TENM3: variants seen among roughly 807,000 people sequenced by gnomAD.
TENM3 encodes the protein teneurin-3.
TENM3 carries 63 observed loss-of-function variants against 255.1 expected under a neutral mutation model. The ratio of observed to expected loss-of-function variants is 0.25; its 90% CI spans 0.20 to 0.30. The LOEUF (loss-of-function observed/expected upper bound fraction) is 0.30, where lower values mean the gene tolerates loss of function less well. Ranked by LOEUF, TENM3 falls within the 10% of genes least tolerant of loss-of-function variation. The pLI is 1.00. For missense variants in TENM3, 2,929 were observed against 3,461.1 expected (o/e 0.85, Z 3.86); for synonymous variants, 1,306 against 1,322.3 (o/e 0.99, Z 0.27).
chr4:181,513,143 T>G, the TENM3 span, among the ~76,000 whole-genome samples: 2 of 152,188 alleles, frequency 1.3e-5, no homozygotes, highest in African/African-American at 4.8e-5. Context: ...TTTTGTGGTG[T>G]TATTTATACC....
At chr4:182,110,141 TCA>T in the TENM3 span, among the ~76,000 whole-genome samples, 24 of 150,164 alleles carry the variant, frequency 1.6e-4, no homozygotes, top group Middle Eastern at 3.5e-3. Flanking sequence ...TACATGAAAT[TCA>T]CAGTTCAGTG....
intron 1 of TENM3, among the ~76,000 whole-genome samples, chr4:182,173,702 T>C (rs1752256006): frequency 6.6e-6 from 1 of 152,154 alleles, no homozygotes. Context: ...GCCCGTGAAC[T>C]TGACACTGGG....
chr4:182,784,969 G>A (rs1229260656), intron 24 of TENM3, among the ~76,000 whole-genome samples: 3 of 152,098 alleles, frequency 2.0e-5, no homozygotes, highest in East Asian at 1.9e-4. Flanking sequence ...CTCCCTAGTG[G>A]GATGAACCCG....
At chr4:182,167,436 A>G (rs527661043) in intron 1 of TENM3, among the ~76,000 whole-genome samples, 1 of 152,340 alleles carries the variant, frequency 6.6e-6, no homozygotes, top group East Asian at 1.9e-4. Context: ...TTGCTTTAGT[A>G]TATTGATTAT....
chr4:182,298,593 A>T (rs1289219974), intron 1 of TENM3, among the ~76,000 whole-genome samples: 1 of 152,176 alleles, frequency 6.6e-6, no homozygotes, highest in Non-Finnish European at 1.5e-5. Context: ...AGAAAAGCAT[A>T]TATGGGAATC....
At chr4:182,636,372 C>G (rs1200138192) in intron 5 of TENM3, among the ~76,000 whole-genome samples, 2 of 152,122 alleles carry the variant, frequency 1.3e-5, no homozygotes, top group African/African-American at 2.4e-5. Context: ...TAAGCTCCTC[C>G]TCTCCCCACA....
the TENM3 span, among the ~76,000 whole-genome samples, chr4:181,478,678 G>T: frequency 6.6e-6 from 1 of 152,096 alleles, no homozygotes; most frequent in Admixed American, 6.6e-5. Flanking sequence ...CTTTCTTTAA[G>T]TATATCAAGA....
the TENM3 span, among the ~76,000 whole-genome samples, chr4:181,529,523 C>G: frequency 1.2e-4 from 18 of 152,280 alleles, no homozygotes; most frequent in South Asian, 3.5e-3. Flanking sequence ...TGAGAACTTA[C>G]AACTGACAGC....
chr4:181,928,808 C>G, the TENM3 span, among the ~76,000 whole-genome samples: 8 of 152,282 alleles, frequency 5.3e-5, no homozygotes, highest in African/African-American at 1.9e-4. Flanking sequence ...CAAAGGAAAG[C>G]CCATCAGACT....
chr4:181,631,402 G>T, the TENM3 span, among the ~76,000 whole-genome samples: 1 of 151,990 alleles, frequency 6.6e-6, no homozygotes, highest in Non-Finnish European at 1.5e-5. Context: ...CGATTCTCCT[G>T]CCTCAGCCTA....
intron 3 of TENM3, among the ~76,000 whole-genome samples, chr4:182,528,597 G>A (rs1055542106): frequency 6.6e-6 from 1 of 152,074 alleles, no homozygotes; most frequent in African/African-American, 2.4e-5. Context: ...ATGCAAAAAT[G>A]CTTCTTTTAT....
chr4:181,705,243 G>T, the TENM3 span, among the ~76,000 whole-genome samples: 1 of 152,224 alleles, frequency 6.6e-6, no homozygotes, highest in Non-Finnish European at 1.5e-5. Flanking sequence ...TCCTGAAACC[G>T]CGGAGGAGGT....
In TENM3 at chr4:182,681,965, T is replaced by A; in HGVS notation, c.1986T>A (p.Ser662Arg). Residue 662 changes from serine to arginine, a missense_variant, in exon 11 of 28, where the codon AGT becomes AGA. Physicochemically the swap from Ser to Arg is moderately radical, Grantham distance 110. Coordinates refer to ENST00000511685, the MANE Select transcript of TENM3 (RefSeq NM_001080477.4). ...CSGHGTYLQE[S>R]GSCTCDPNWT... ...GCCACGGAACGTATCTTCAAGAAAG[T>A]GGCTCCTGCACGTGTGACCCTAACT... is the stretch of plus-strand genomic sequence containing the variant. 6.2e-7 allele frequency: 1 copy of A among 1,613,980 alleles called. No individual in the cohort carries two copies. Among genetic ancestry groups the A allele is most frequent in the Non-Finnish European group, 8.5e-7 (1 of 1,179,878 alleles).
At chr4:181,591,952 A>C in the TENM3 span, among the ~76,000 whole-genome samples, 1 of 115,130 alleles carries the variant, frequency 8.7e-6, no homozygotes, top group Admixed American at 8.9e-5. Context: ...TGAGTGAAAA[A>C]AGCCAGAAAA....
In TENM3 at chr4:182,495,026, G is replaced by A. The variant is rs1259990643; in HGVS notation, c.512-105898G>A. ...TTGTATGCTCAGCACTTTTTCATAGGCATCTTGCCTGGCTCATTGAAGGAA... is the reference window on the plus strand; with the variant it reads ...TTGTATGCTCAGCACTTTTTCATAGACATCTTGCCTGGCTCATTGAAGGAA... On this transcript the variant is annotated intron_variant, in intron 3 of 27. Transcript: ENST00000511685. 4.6e-5 allele frequency among the ~76,000 whole-genome samples: 7 copies of A among 152,192 alleles called. No individual in the cohort carries two copies. In the South Asian group the frequency reaches 8.3e-4, roughly 18 times the overall value.
the TENM3 span, among the ~76,000 whole-genome samples, chr4:181,577,770 G>C: frequency 1.3e-5 from 2 of 149,484 alleles, no homozygotes; most frequent in South Asian, 2.1e-4. Context: ...TAATACATGA[G>C]AGTTCTTTCT....
In TENM3 at chr4:182,634,815, G is replaced by T. The variant is rs146776214; in HGVS notation, c.988+5926G>T. Among the ~76,000 whole-genome samples, 138 of 152,108 alleles carry T rather than the reference G, an allele frequency of 9.1e-4. 1 individual carries two copies. In the Middle Eastern group the frequency reaches 0.017, roughly 19 times the overall value. On this transcript the variant is annotated intron_variant, in intron 5 of 27. Transcript: ENST00000511685. ...CTGCGTCTGTTCACCGTTACACGAT[G>T]GGTAGGAGTCTTGATACTGTTCTTT...
At chr4:181,771,358 T>C in the TENM3 span, among the ~76,000 whole-genome samples, 1 of 152,228 alleles carries the variant, frequency 6.6e-6, no homozygotes, top group Non-Finnish European at 1.5e-5. Flanking sequence ...ACTGGAAATG[T>C]AATATTCAAT....
chr4:182,292,664 C>T (rs949489673), intron 1 of TENM3, among the ~76,000 whole-genome samples: 7 of 152,156 alleles, frequency 4.6e-5, no homozygotes, highest in East Asian at 3.9e-4. Flanking sequence ...TGAAAGTGGG[C>T]GTTGAACCCT....
Sources: gnomAD v4.1 joint callset for allele counts (sites outside exome capture counted in the v4.1 genomes callset) on GRCh38, gnomAD v4.1.1 for gene constraint, MANE v1.5 for transcripts, NCBI Gene and HGNC (gene_info 2026-07-23, HGNC 2026-07-21) for gene names.